The following DIP2C variants were observed in gnomAD, a reference collection of about 807,000 sequenced individuals.
The protein encoded by DIP2C is DIP2 acetate--CoA ligase C (putative), also known as disco-interacting protein 2 homolog C.
In DIP2C, 33 loss-of-function variants were observed where a neutral mutation model predicts 192.4. The ratio of observed to expected loss-of-function variants is 0.17; its 90% CI spans 0.13 to 0.23. DIP2C has a LOEUF of 0.23. Ranked by LOEUF, DIP2C falls within the 10% of genes least tolerant of loss-of-function variation. DIP2C has a pLI of 1.00. For missense variants in DIP2C, 1,537 were observed against 2,110.1 expected (o/e 0.73, Z 5.32); for synonymous variants, 979 against 864.1 (o/e 1.13, Z -2.33).
chr10:493,961 T>C (rs575385453), intron 1 of DIP2C, among the ~76,000 whole-genome samples: 3 of 152,276 alleles, frequency 2.0e-5, no homozygotes, highest in Admixed American at 2.0e-4. Flanking sequence ...ACACTTCAGA[T>C]GCCCCAGCAG....
At chr10:330,928 T>A (rs546449238) in intron 29 of DIP2C, among the ~76,000 whole-genome samples, 2 of 149,618 alleles carry the variant, frequency 1.3e-5, no homozygotes, top group East Asian at 2.0e-4. Context: ...TCCTCCCACC[T>A]CAGTCCCTGA....
At chr10:345,658 T>A (rs1472255210) in intron 26 of DIP2C, among the ~76,000 whole-genome samples, 1 of 36,062 alleles carries the variant, frequency 2.8e-5, no homozygotes, top group East Asian at 9.7e-4. Flanking sequence ...GAACCCTACA[T>A]ACACCCAACC....
intron 32 of DIP2C, among the ~76,000 whole-genome samples, chr10:290,076 C>T (rs1040613290): frequency 3.3e-5 from 5 of 152,184 alleles, no homozygotes; most frequent in Admixed American, 6.5e-5. Flanking sequence ...TTCTCCTCTG[C>T]GGGAGAACAG....
At chr10:320,024 G>C (rs1195480520) in intron 31 of DIP2C, among the ~76,000 whole-genome samples, 1 of 152,146 alleles carries the variant, frequency 6.6e-6, no homozygotes, top group Non-Finnish European at 1.5e-5. Flanking sequence ...CTATTTGAGA[G>C]GAAAATGCTG....
rs79645637 is a variant in DIP2C at position 650,283 on chromosome 10, G to T, written c.85+39211C>A. Reference sequence around the variant, plus strand: ...CCCGAGGTGACACAGCACTGGATGCGATTTCAGGGCCAGGGACCATGGTGC... The same window carrying T: ...CCCGAGGTGACACAGCACTGGATGCTATTTCAGGGCCAGGGACCATGGTGC... On this transcript the variant is annotated intron_variant, in intron 1 of 36. Transcript: ENST00000280886. 3.6e-3 allele frequency: 2,568 copies of T among 716,898 alleles called. 44 individuals carry two copies. In the African/African-American group the frequency reaches 0.039, roughly 11 times the overall value. 44.4% of individuals were successfully genotyped at this position (716,898 alleles called of 1,614,324 possible).
chr10:515,119 C>G (rs1846265558), intron 1 of DIP2C, among the ~76,000 whole-genome samples: 1 of 152,112 alleles, frequency 6.6e-6, no homozygotes, highest in Admixed American at 6.5e-5. Context: ...ACATAACTAT[C>G]CAAAATGCCT....
chr10:603,391 C>T (rs1485176718), intron 1 of DIP2C, among the ~76,000 whole-genome samples: 1 of 149,004 alleles, frequency 6.7e-6, no homozygotes, highest in African/African-American at 2.5e-5. Flanking sequence ...TATACCCCAA[C>T]CCTTATTCAA....
intron 9 of DIP2C, among the ~76,000 whole-genome samples, chr10:404,955 AT>A (rs1964697752): frequency 6.6e-6 from 1 of 152,224 alleles, no homozygotes; most frequent in Non-Finnish European, 1.5e-5. Context: ...ATTCAGTTAA[AT>A]GTTTGTAAGA....
chr10:359,580 G>A (rs1037221305), intron 22 of DIP2C, among the ~76,000 whole-genome samples: 1 of 152,192 alleles, frequency 6.6e-6, no homozygotes, highest in African/African-American at 2.4e-5. Flanking sequence ...GTATGGAAGA[G>A]GAATAGCCTT....
chr10:422,969 G>A lies in DIP2C; in HGVS notation c.459C>T (p.Ser153=), dbSNP rs749826415. Residue 153 remains serine (S), a synonymous_variant, in exon 5 of 37, where the codon TCC becomes TCT. Transcript: ENST00000280886. ...GCTCCATATTGATGCTGCCCTGGCT[G>A]GAGGTGGGGGTGCCCTGGGAGTCCC... ...VQGDSQGTPT[S]SQGSINMEHW... is the part of the protein sequence containing the mutation. The A allele has an allele frequency of 2.5e-6, 4 of 1,614,178 alleles. No individual in the cohort carries two copies. Among genetic ancestry groups the A allele is most frequent in the Non-Finnish European group, 3.4e-6 (4 of 1,180,026 alleles).
rs111670151 is a variant in DIP2C at position 437,035 on chromosome 10, G to A, written c.394+3836C>T. On this transcript the variant is annotated intron_variant, in intron 4 of 36. Transcript: ENST00000280886. ...CACACCTGAGCTCTCTCCGAGCTCC[G>A]CCTCCTGGACATGGTAGGGTGATAT... is the stretch of plus-strand genomic sequence containing the variant. 3.3e-3 allele frequency among the ~76,000 whole-genome samples: 375 copies of A among 115,186 alleles called. 7 individuals carry two copies. Among genetic ancestry groups the A allele is most frequent in the African/African-American group, 0.012 (332 of 27,418 alleles). The allele number at this position is 115,186 out of a possible 152,430, so 75.6% of individuals were successfully genotyped here.
rs1378969513 is a variant in DIP2C, at chr10:310,099, G to T, written c.3925-7C>A. The T allele has an allele frequency of 6.2e-7, 1 of 1,614,000 alleles. No individual in the cohort carries two copies. The highest frequency in any genetic ancestry group is 2.2e-5 in the East Asian group (1 of 44,902). On this transcript the variant is annotated splice_region_variant and splice_polypyrimidine_tract_variant and intron_variant, in intron 31 of 36. Transcript: ENST00000280886. ...GGTCAGGTCCTGAGGTTCCCTGCAA[G>T]CAACAACAGAGTGGTTAACTCAAGT...
At chr10:297,681 TG>T (rs1446045738) in intron 32 of DIP2C, among the ~76,000 whole-genome samples, 4 of 152,010 alleles carry the variant, frequency 2.6e-5, no homozygotes, top group Admixed American at 2.6e-4. Flanking sequence ...AAGGGAGGGA[TG>T]GGGAGAGATT....
intron 2 of DIP2C, among the ~76,000 whole-genome samples, chr10:475,541 T>C (rs954070913): frequency 7.2e-5 from 11 of 152,174 alleles, no homozygotes; most frequent in Non-Finnish European, 4.4e-5. Flanking sequence ...AGGCTGCTGC[T>C]CGGCTTCTCA....
At chr10:505,262 T>TA (rs1845516155) in intron 1 of DIP2C, among the ~76,000 whole-genome samples, 1 of 152,202 alleles carries the variant, frequency 6.6e-6, no homozygotes, top group African/African-American at 2.4e-5. Context: ...GCAGTGTCTC[T>TA]AGTCCCTCTA....
rs140809424 is a variant in DIP2C, at chr10:370,776, T to C, written c.1992-1143A>G. Reference sequence around the variant, plus strand: ...TTTAACGCACTTCAGACCTAAAAGCTGGACTATAAGTTAGCTGTTTAACTT... The same window carrying C: ...TTTAACGCACTTCAGACCTAAAAGCCGGACTATAAGTTAGCTGTTTAACTT... On this transcript the variant is annotated intron_variant, in intron 17 of 36. Coordinates refer to ENST00000280886, the MANE Select transcript of DIP2C (RefSeq NM_014974.3). Among the ~76,000 whole-genome samples, 440 of 152,352 alleles carry C rather than the reference T, an allele frequency of 2.9e-3. 4 individuals are homozygous for C. Among genetic ancestry groups the C allele is most frequent in the African/African-American group, 9.8e-3 (407 of 41,586 alleles).
intron 22 of DIP2C, among the ~76,000 whole-genome samples, chr10:359,046 G>A (rs1354048118): frequency 6.6e-6 from 1 of 152,002 alleles, no homozygotes; most frequent in East Asian, 1.9e-4. Flanking sequence ...GCACAAGCAG[G>A]GCTATGGCTA....
intron 23 of DIP2C, 27 bp downstream of exon 23, chr10:357,801 G>A (rs369728429): frequency 7.5e-4 from 1,176 of 1,571,858 alleles, no homozygotes; most frequent in Non-Finnish European, 9.2e-4. Flanking sequence ...GGGGACGGTC[G>A]GGGAGACTCA....
chr10:621,208 C>A (rs1019293872), intron 1 of DIP2C, among the ~76,000 whole-genome samples: 3 of 151,940 alleles, frequency 2.0e-5, no homozygotes, highest in African/African-American at 7.2e-5. Flanking sequence ...TAAGCACACA[C>A]CCCCAGGTGT....
Sources: allele counts gnomAD v4.1 joint callset (sites outside exome capture counted in the v4.1 genomes callset), GRCh38; gene constraint gnomAD v4.1.1; transcripts MANE v1.5; gene names NCBI Gene and HGNC (gene_info 2026-07-23, HGNC 2026-07-21).